CFAP299: variants seen among roughly 807,000 people sequenced by gnomAD.
CFAP299 encodes cilia and flagella associated protein 299.
CFAP299 carries 21 observed loss-of-function variants against 27.0 expected under a neutral mutation model. That is an observed-to-expected ratio of 0.78 (90% CI 0.55 to 1.12). The LOEUF (loss-of-function observed/expected upper bound fraction) is 1.12. Among genes scored for constraint, CFAP299 ranks in the 50% most tolerant of loss-of-function variants. The probability of loss-of-function intolerance (pLI) is 0.00; values close to 1 mark genes in which losing one functional copy is unlikely to be tolerated. For synonymous variants in CFAP299, 104 were observed against 98.1 expected, an observed-to-expected ratio of 1.06 and a Z score of -0.36; for missense variants, 310 against 276.6, an observed-to-expected ratio of 1.12 and a Z score of -0.86.
intron 2 of CFAP299, among the ~76,000 whole-genome samples, chr4:80,389,149 C>T (rs1725195300): frequency 1.3e-5 from 2 of 152,120 alleles, no homozygotes; most frequent in Non-Finnish European, 1.5e-5. Context: ...ATAAGCTCAA[C>T]TGGGTCATTT....
chr4:80,332,097 A>T (rs1721963271), upstream of CFAP299, among the ~76,000 whole-genome samples: 1 of 152,240 alleles, frequency 6.6e-6, no homozygotes, highest in Non-Finnish European at 1.5e-5. Context: ...TCACAGGGTC[A>T]AATGCTGCTA....
At chr4:80,700,033 G>A (rs933763275) in intron 3 of CFAP299, among the ~76,000 whole-genome samples, 2 of 152,100 alleles carry the variant, frequency 1.3e-5, no homozygotes, top group African/African-American at 2.4e-5. Flanking sequence ...GATCTATTTG[G>A]TAGGTAAATT....
chr4:80,583,903 G>A (rs1160648616), intron 3 of CFAP299, among the ~76,000 whole-genome samples: 1 of 151,798 alleles, frequency 6.6e-6, no homozygotes, highest in African/African-American at 2.4e-5. Flanking sequence ...AAAATTTAGA[G>A]CAACAGAAAA....
At chr4:80,956,235 T>C (rs2110240730) in intron 5 of CFAP299, among the ~76,000 whole-genome samples, 1 of 152,336 alleles carries the variant, frequency 6.6e-6, no homozygotes, top group African/African-American at 2.4e-5. Context: ...TCAAATTGCT[T>C]TGCAGTTAGA....
At chr4:80,485,055 A>G (rs1560588479) in intron 2 of CFAP299, among the ~76,000 whole-genome samples, 1 of 152,104 alleles carries the variant, frequency 6.6e-6, no homozygotes, top group South Asian at 2.1e-4. Context: ...TGGAAGGACC[A>G]GGCTTTCCTC....
At chr4:80,568,061 G>T (rs1735398449) in intron 2 of CFAP299, among the ~76,000 whole-genome samples, 1 of 151,346 alleles carries the variant, frequency 6.6e-6, no homozygotes, top group Non-Finnish European at 1.5e-5. Flanking sequence ...AAAGATGACT[G>T]GTGTAAAATT....
intron 2 of CFAP299, among the ~76,000 whole-genome samples, chr4:80,489,325 C>A (rs1267722335): frequency 6.6e-6 from 1 of 152,022 alleles, no homozygotes; most frequent in East Asian, 1.9e-4. Flanking sequence ...CTTGGTAAGC[C>A]CTAAAGTTGG....
At chr4:80,327,961 G>T in the CFAP299 span, among the ~76,000 whole-genome samples, 1 of 151,584 alleles carries the variant, frequency 6.6e-6, no homozygotes, top group African/African-American at 2.4e-5. Flanking sequence ...GCTAAGAGAA[G>T]AAGGTATTTT....
At chr4:80,686,092 A>G (rs1720172916) in intron 3 of CFAP299, among the ~76,000 whole-genome samples, 1 of 152,194 alleles carries the variant, frequency 6.6e-6, no homozygotes, top group South Asian at 2.1e-4. Context: ...AGTATAGCAT[A>G]CATGTTGAAG....
At position 80,569,046 on chromosome 4, in the gene CFAP299, C is replaced by T. The variant is rs574750565; in HGVS notation, c.243-14047C>T. 8.5e-5 allele frequency among the ~76,000 whole-genome samples: 13 copies of T among 152,218 alleles called. No individual in the cohort carries two copies. In the East Asian group the frequency reaches 2.1e-3, roughly 25 times the overall value. On this transcript the variant is annotated intron_variant, in intron 2 of 5. Transcript: ENST00000358105. ...ATCAGGTAGCCAGCCAGCTAAGGCT[C>T]TGTTAGCAACACTCCCTCTTTGTCT...
intron 3 of CFAP299, among the ~76,000 whole-genome samples, chr4:80,652,449 T>C (rs1053302354): frequency 2.6e-5 from 4 of 151,982 alleles, no homozygotes; most frequent in Non-Finnish European, 4.4e-5. Flanking sequence ...GGAGTGTAAA[T>C]AGGGGGCAAC....
intron 4 of CFAP299, among the ~76,000 whole-genome samples, chr4:80,890,986 G>A (rs570537935): frequency 1.4e-4 from 21 of 152,010 alleles, no homozygotes; most frequent in East Asian, 1.4e-3. Flanking sequence ...AGTAGGTTGC[G>A]AAAATTCTCT....
At chr4:80,390,778 C>CACACATATGTATATATGTATATATGTAT (rs1560543679) in intron 2 of CFAP299, among the ~76,000 whole-genome samples, 1 of 101,658 alleles carries the variant, frequency 9.8e-6, no homozygotes, top group Non-Finnish European at 2.2e-5. Flanking sequence ...TGTATATATA[C>CACACATATGTATATATGTATATATGTAT]ATATACACAT....
intron 3 of CFAP299, among the ~76,000 whole-genome samples, chr4:80,661,027 G>A (rs17004965): frequency 0.017 from 2,575 of 151,860 alleles, 50 homozygotes; most frequent in Admixed American, 0.06. Context: ...TGCTAACTCC[G>A]TTAAAGTGAT....
chr4:80,399,082 A>G (rs1725989856), intron 2 of CFAP299, among the ~76,000 whole-genome samples: 4 of 152,252 alleles, frequency 2.6e-5, no homozygotes, highest in Non-Finnish European at 2.9e-5. Flanking sequence ...CAGCAGACAC[A>G]TGAAAAAATG....
At chr4:80,764,121 GAGCTTCTACAC>G (rs1553957681) in intron 3 of CFAP299, among the ~76,000 whole-genome samples, 1 of 152,122 alleles carries the variant, frequency 6.6e-6, no homozygotes, top group Non-Finnish European at 1.5e-5. Context: ...TTAAAGTAAA[GAGCTTCTACAC>G]AGCAAAAGAA....
chr4:80,716,534 C>A (rs1161574116), intron 3 of CFAP299, among the ~76,000 whole-genome samples: 1 of 151,996 alleles, frequency 6.6e-6, no homozygotes, highest in African/African-American at 2.4e-5. Flanking sequence ...TATTCACTCC[C>A]AATGTGCAAG....
intron 3 of CFAP299, among the ~76,000 whole-genome samples, chr4:80,739,753 C>CT (rs917266722): frequency 1.3e-5 from 2 of 151,532 alleles, no homozygotes; most frequent in Non-Finnish European, 2.9e-5. Context: ...CTCTGTTATC[C>CT]TTTAAAAAAA....
At chr4:80,800,887 T>G (rs925301136) in intron 3 of CFAP299, among the ~76,000 whole-genome samples, 2 of 149,690 alleles carry the variant, frequency 1.3e-5, no homozygotes, top group East Asian at 3.9e-4. Context: ...AGAACCAGTC[T>G]GAGTCCCAAA....
Sources: allele counts gnomAD v4.1 joint callset (sites outside exome capture counted in the v4.1 genomes callset), GRCh38; gene constraint gnomAD v4.1.1; transcripts MANE v1.5; gene names NCBI Gene and HGNC (gene_info 2026-07-23, HGNC 2026-07-21).